The following CDH13 variants were observed in gnomAD, a reference collection of about 807,000 sequenced individuals.
The protein encoded by CDH13 is cadherin-13.
Under a neutral mutation model 63.8 loss-of-function variants are expected in CDH13, and 24 were observed. That is an observed-to-expected ratio of 0.38 (90% CI 0.27 to 0.53). The LOEUF is 0.53. Among genes scored for constraint, CDH13 ranks in the 20% least tolerant of loss-of-function variants. CDH13 has a pLI of 0.85. For synonymous variants in CDH13, 503 were observed against 355.3 expected, an observed-to-expected ratio of 1.42 and a Z score of -4.67; for missense variants, 1,049 against 903.1, an observed-to-expected ratio of 1.16 and a Z score of -2.07.
At chr16:83,036,186 G>T (rs1182435976) in intron 3 of CDH13, among the ~76,000 whole-genome samples, 2 of 126,106 alleles carry the variant, frequency 1.6e-5, no homozygotes, top group African/African-American at 3.1e-5. Flanking sequence ...TCTCAGTCCT[G>T]TCTCACAGGC....
rs1201609779 is a variant in CDH13, at chr16:83,046,833, T to C, written c.366+14615T>C. Among the ~76,000 whole-genome samples, 6 of 152,230 alleles carry C rather than the reference T, an allele frequency of 3.9e-5. No individual in the cohort carries two copies. The South Asian group carries it at 6.2e-4, about 16-fold the overall frequency. ...TCCTCTCCAACCTTGTTACAAACAA[T>C]TCAGAAGGGAGGATTGTGAAATCCT... is the stretch of plus-strand genomic sequence containing the variant. On this transcript the variant is annotated intron_variant, in intron 3 of 13. Transcript: ENST00000567109.
chr16:83,734,314 C>T (rs1197530325), intron 10 of CDH13, among the ~76,000 whole-genome samples: 1 of 152,086 alleles, frequency 6.6e-6, no homozygotes, highest in Non-Finnish European at 1.5e-5. Flanking sequence ...AAGACAAAAG[C>T]CAGGGAAGAA....
At chr16:82,895,978 T>G (rs1259468049) in intron 2 of CDH13, among the ~76,000 whole-genome samples, 1 of 152,184 alleles carries the variant, frequency 6.6e-6, no homozygotes, top group African/African-American at 2.4e-5. Flanking sequence ...TGCAAATTTT[T>G]TCATGGGTAG....
chr16:82,937,394 C>G (rs2042702674), intron 2 of CDH13, among the ~76,000 whole-genome samples: 2 of 152,012 alleles, frequency 1.3e-5, no homozygotes, highest in Non-Finnish European at 2.9e-5. Context: ...CTGTGTCTCT[C>G]TCTGTGTCTC....
At chr16:83,202,460 G>A (rs2039059499) in intron 4 of CDH13, among the ~76,000 whole-genome samples, 1 of 152,178 alleles carries the variant, frequency 6.6e-6, no homozygotes, top group African/African-American at 2.4e-5. Context: ...CCAATTGGAA[G>A]AGACAGTAGC....
intron 2 of CDH13, among the ~76,000 whole-genome samples, chr16:82,958,591 T>A (rs1906477873): frequency 6.6e-6 from 1 of 152,142 alleles, no homozygotes; most frequent in South Asian, 2.1e-4. Context: ...CATGGTCAAT[T>A]TGAGTGGTCA....
At chr16:83,673,985 G>A (rs553115864) in intron 9 of CDH13, among the ~76,000 whole-genome samples, 2 of 152,236 alleles carry the variant, frequency 1.3e-5, no homozygotes, top group African/African-American at 2.4e-5. Flanking sequence ...ACCCCACATT[G>A]GCTGCCTCCC....
At chr16:83,634,655 C>A (rs1911096627) in intron 8 of CDH13, among the ~76,000 whole-genome samples, 1 of 152,262 alleles carries the variant, frequency 6.6e-6, no homozygotes, top group African/African-American at 2.4e-5. Context: ...CCTGCCTCGG[C>A]CTCCCAAAGT....
At chr16:83,672,407 CTCTTTTTTTTTT>C (rs1914577479) in intron 9 of CDH13, among the ~76,000 whole-genome samples, 2 of 55,188 alleles carry the variant, frequency 3.6e-5, no homozygotes, top group Non-Finnish European at 7.5e-5. Context: ...TCTCTGGATT[CTCTTTTTTTTTT>C]TTTTTTTTTT....
chr16:83,708,964 T>C (rs747649453), intron 10 of CDH13, among the ~76,000 whole-genome samples: 2 of 152,094 alleles, frequency 1.3e-5, no homozygotes, highest in Non-Finnish European at 2.9e-5. Flanking sequence ...GCGGAGGTTG[T>C]GATGAGCCAA....
intron 7 of CDH13, among the ~76,000 whole-genome samples, chr16:83,550,172 T>C (rs150136543): frequency 2.0e-5 from 3 of 152,316 alleles, no homozygotes; most frequent in African/African-American, 7.2e-5. Flanking sequence ...GCTGTGTGCA[T>C]TGGTGCTCAA....
chr16:83,153,807 C>G (rs1198243800), intron 4 of CDH13, among the ~76,000 whole-genome samples: 1 of 152,174 alleles, frequency 6.6e-6, no homozygotes, highest in Non-Finnish European at 1.5e-5. Context: ...AAGCCACTCA[C>G]TTTGTGGCAT....
chr16:83,476,844 A>C (rs533064228), intron 6 of CDH13, among the ~76,000 whole-genome samples: 2 of 152,360 alleles, frequency 1.3e-5, no homozygotes, highest in African/African-American at 4.8e-5. Flanking sequence ...TTTCCACTTA[A>C]AATTGATTTT....
intron 4 of CDH13, among the ~76,000 whole-genome samples, chr16:83,152,785 T>C (rs1182715527): frequency 6.6e-6 from 1 of 152,106 alleles, no homozygotes. Flanking sequence ...TCCTTGGAAA[T>C]AGGGTTGTGG....
chr16:83,794,660 A>G (rs1916488481), intron 13 of CDH13, among the ~76,000 whole-genome samples: 1 of 151,158 alleles, frequency 6.6e-6, no homozygotes, highest in Non-Finnish European at 1.5e-5. Flanking sequence ...GGAAGTCGAT[A>G]CATATATGGG....
At chr16:82,727,744 A>T (rs1437505406) in intron 1 of CDH13, 1 of 152,214 alleles carries the variant, frequency 6.6e-6, no homozygotes, top group Non-Finnish European at 1.5e-5. Flanking sequence ...TCTGCATGTT[A>T]CTATGTGATC....
At chr16:83,707,523 A>G (rs1907264285) in intron 10 of CDH13, among the ~76,000 whole-genome samples, 1 of 152,184 alleles carries the variant, frequency 6.6e-6, no homozygotes, top group Non-Finnish European at 1.5e-5. Flanking sequence ...AATATCTGTG[A>G]TATGCCAGCT....
chr16:83,724,400 G>A (rs1352693983), intron 10 of CDH13, among the ~76,000 whole-genome samples: 3 of 149,032 alleles, frequency 2.0e-5, no homozygotes, highest in Non-Finnish European at 4.5e-5. Flanking sequence ...GAATGCATGG[G>A]TGAGTGATGA....
chr16:83,086,298 G>C (rs925970977), intron 3 of CDH13, among the ~76,000 whole-genome samples: 1 of 152,216 alleles, frequency 6.6e-6, no homozygotes, highest in African/African-American at 2.4e-5. Flanking sequence ...AGCGTTAGTA[G>C]TTAGGGAATG....
Sources: allele counts gnomAD v4.1 joint callset (sites outside exome capture counted in the v4.1 genomes callset), GRCh38; gene constraint gnomAD v4.1.1; transcripts MANE v1.5; gene names NCBI Gene and HGNC (gene_info 2026-07-23, HGNC 2026-07-21).